Variants in SLC1A3 observed in about 807,000 individuals in gnomAD.
SLC1A3 encodes excitatory amino acid transporter 1.
Under a neutral mutation model 48.1 loss-of-function variants are expected in SLC1A3, and 21 were observed. The ratio of observed to expected loss-of-function variants is 0.44; its 90% CI spans 0.31 to 0.63. The LOEUF is 0.63. Ranked by LOEUF, SLC1A3 falls within the 20% of genes least tolerant of loss-of-function variation. The pLI, the probability that SLC1A3 is intolerant of heterozygous loss-of-function variation, is 0.08. For missense variants in SLC1A3, 546 were observed against 689.0 expected, an observed-to-expected ratio of 0.79 and a Z score of 2.32; for synonymous variants, 239 against 251.4, an observed-to-expected ratio of 0.95 and a Z score of 0.47.
intron 2 of SLC1A3, among the ~76,000 whole-genome samples, chr5:36,624,118 C>T (rs548638422): frequency 2.6e-5 from 4 of 152,242 alleles, no homozygotes; most frequent in Non-Finnish European, 5.9e-5. Context: ...TCAGCTCTAA[C>T]GTGGCTTGTA....
chr5:36,601,931 C>A (rs1454203881), upstream of SLC1A3, among the ~76,000 whole-genome samples: 1 of 152,088 alleles, frequency 6.6e-6, no homozygotes, highest in East Asian at 1.9e-4. Flanking sequence ...TTCTGAGCAC[C>A]TTCCGTTCTG....
intron 2 of SLC1A3, among the ~76,000 whole-genome samples, chr5:36,618,335 AC>A (rs1482780461): frequency 1.3e-5 from 2 of 152,164 alleles, no homozygotes; most frequent in Non-Finnish European, 2.9e-5. Context: ...TTCACCCCCT[AC>A]CACCAATTTA....
intron 2 of SLC1A3, among the ~76,000 whole-genome samples, chr5:36,628,685 T>G (rs1740008630): frequency 6.6e-6 from 1 of 152,252 alleles, no homozygotes; most frequent in Non-Finnish European, 1.5e-5. Flanking sequence ...TTATCATGCA[T>G]AATTTGATTT....
chr5:36,664,558 C>G (rs1352495278), intron 3 of SLC1A3, among the ~76,000 whole-genome samples: 1 of 152,044 alleles, frequency 6.6e-6, no homozygotes, highest in African/African-American at 2.4e-5. Flanking sequence ...CTGGCACTCA[C>G]ACACATACAC....
At chr5:36,603,169 C>G (rs1738827393), upstream of SLC1A3, among the ~76,000 whole-genome samples, 2 of 152,250 alleles carry the variant, frequency 1.3e-5, no homozygotes, top group African/African-American at 4.8e-5. Flanking sequence ...CCCTACTGGC[C>G]TGTTCTCCAG....
chr5:36,604,917 G>GT (rs1491495895), upstream of SLC1A3, among the ~76,000 whole-genome samples: 973 of 134,984 alleles, frequency 7.2e-3, 17 homozygotes, highest in African/African-American at 0.024. Context: ...GGGGGGGGGG[G>GT]GTGTGCAAAT....
chr5:36,623,811 C>T (rs1384993456), intron 2 of SLC1A3, among the ~76,000 whole-genome samples: 3 of 149,826 alleles, frequency 2.0e-5, no homozygotes, highest in South Asian at 2.1e-4. Flanking sequence ...TGCAGTGAGC[C>T]GAGATTGCGC....
intron 3 of SLC1A3, among the ~76,000 whole-genome samples, chr5:36,660,844 GCTGA>G (rs1457933500): frequency 6.6e-6 from 1 of 152,184 alleles, no homozygotes; most frequent in African/African-American, 2.4e-5. Flanking sequence ...CAAGAAATAT[GCTGA>G]CTAAGATAAA....
At chr5:36,650,061 TTCC>T (rs2111842341) in intron 3 of SLC1A3, among the ~76,000 whole-genome samples, 1 of 152,366 alleles carries the variant, frequency 6.6e-6, no homozygotes, top group African/African-American at 2.4e-5. Context: ...ATGTGAAATT[TTCC>T]TATGGGAATA....
intron 2 of SLC1A3, among the ~76,000 whole-genome samples, chr5:36,624,904 GA>G (rs1470341139): frequency 6.6e-6 from 1 of 152,208 alleles, no homozygotes; most frequent in Non-Finnish European, 1.5e-5. Context: ...GTGCTTACAG[GA>G]CATGTGTAGG....
intron 3 of SLC1A3, among the ~76,000 whole-genome samples, chr5:36,631,302 C>A (rs1426957180): frequency 6.6e-6 from 1 of 152,196 alleles, no homozygotes; most frequent in Admixed American, 6.5e-5. Context: ...AGAAGTGTTA[C>A]TTCCCCTTAG....
chr5:36,645,845 C>T (rs1430399623), intron 3 of SLC1A3, among the ~76,000 whole-genome samples: 1 of 152,168 alleles, frequency 6.6e-6, no homozygotes, highest in Non-Finnish European at 1.5e-5. Flanking sequence ...ATGTTTTCTT[C>T]TATCTCATGT....
upstream of SLC1A3, among the ~76,000 whole-genome samples, chr5:36,603,256 A>G (rs1738828659): frequency 6.6e-6 from 1 of 152,206 alleles, no homozygotes; most frequent in Non-Finnish European, 1.5e-5. Flanking sequence ...CAGTGTACAC[A>G]ATGTGGATCC....
At chr5:36,661,793 T>C (rs1308927536) in intron 3 of SLC1A3, among the ~76,000 whole-genome samples, 1 of 152,194 alleles carries the variant, frequency 6.6e-6, no homozygotes, top group East Asian at 1.9e-4. Context: ...GGGACAGGCC[T>C]TCCTTGGGAA....
At chr5:36,635,059 A>G (rs1172505644) in intron 3 of SLC1A3, among the ~76,000 whole-genome samples, 1 of 151,928 alleles carries the variant, frequency 6.6e-6, no homozygotes, top group East Asian at 1.9e-4. Flanking sequence ...ATGCATTGCC[A>G]TGGCTCTGGT....
intron 4 of SLC1A3, among the ~76,000 whole-genome samples, 194 bp downstream of exon 4, chr5:36,671,427 C>A (rs575826744): frequency 6.6e-6 from 1 of 152,046 alleles, no homozygotes; most frequent in African/African-American, 2.4e-5. Flanking sequence ...ATGAGAGAGG[C>A]GAAAAGAGCA....
chr5:36,673,518 A>G (rs967304643), intron 4 of SLC1A3, among the ~76,000 whole-genome samples: 1 of 152,200 alleles, frequency 6.6e-6, no homozygotes, highest in African/African-American at 2.4e-5. Flanking sequence ...TTTGCAGGTC[A>G]TCTCTCCATT....
At chr5:36,617,384 T>TAAAAAAG (rs1739478177) in intron 2 of SLC1A3, among the ~76,000 whole-genome samples, 1 of 134,408 alleles carries the variant, frequency 7.4e-6, no homozygotes, top group South Asian at 2.3e-4. Context: ...CCAATAAGAT[T>TAAAAAAG]AAAAAAGAAA....
intron 2 of SLC1A3, among the ~76,000 whole-genome samples, chr5:36,628,830 A>C (rs904120340): frequency 6.6e-6 from 1 of 152,154 alleles, no homozygotes; most frequent in African/African-American, 2.4e-5. Flanking sequence ...ATCTCTGCTC[A>C]TTTTGGAGTC....
Sources: gnomAD v4.1 joint callset for allele counts (sites outside exome capture counted in the v4.1 genomes callset) on GRCh38, gnomAD v4.1.1 for gene constraint, MANE v1.5 for transcripts, NCBI Gene and HGNC (gene_info 2026-07-23, HGNC 2026-07-21) for gene names.